POLR2H: variants seen among roughly 807,000 people sequenced by gnomAD.
POLR2H encodes the protein RNA polymerase II, I and III subunit H.
In POLR2H, 3 loss-of-function variants were observed where a neutral mutation model predicts 18.1. The observed-to-expected ratio is 0.17, with a 90% CI of 0.08 to 0.43. The LOEUF is 0.43. Among genes scored for constraint, POLR2H ranks in the 20% least tolerant of loss-of-function variants. The pLI is 0.99. For missense variants in POLR2H, 103 were observed against 184.6 expected, an observed-to-expected ratio of 0.56 and a Z score of 2.56; for synonymous variants, 76 against 69.0, an observed-to-expected ratio of 1.10 and a Z score of -0.50.
In POLR2H at chr3:184,366,777, T is replaced by G; in HGVS notation, c.312T>G (p.Thr104=). 4 of 1,599,750 alleles carry G rather than the reference T, an allele frequency of 2.5e-6. No individual in the cohort carries two copies. The highest frequency in any genetic ancestry group is 3.4e-6 in the Non-Finnish European group (4 of 1,166,822). Residue 104 remains threonine (T), a synonymous_variant, in exon 5 of 6, where the codon ACT becomes ACG. Coordinates refer to ENST00000456318, the MANE Select transcript of POLR2H (RefSeq NM_006232.5). ...TGTACAGGATTGAGGGAGATGAAAC[T>G]TCTACTGAAGCAGCAACACGCCTGT... ...GKVYRIEGDE[T]STEAATRLSA... is the part of the protein sequence containing the mutation.
At chr3:184,367,520 T>G (rs1713528008) in intron 5 of POLR2H, among the ~76,000 whole-genome samples, 2 of 151,380 alleles carry the variant, frequency 1.3e-5, no homozygotes, top group African/African-American at 4.9e-5. Context: ...GGAGTCTTGC[T>G]GTGTTGCCCA....
intron 5 of POLR2H, among the ~76,000 whole-genome samples, chr3:184,367,704 A>G (rs1467705870): frequency 6.6e-6 from 1 of 151,714 alleles, no homozygotes; most frequent in Admixed American, 6.6e-5. Context: ...GTTAGCCAGG[A>G]TGGTCTTGAT....
At position 184,366,809 on chromosome 3, in the gene POLR2H, C is replaced by T. The variant is rs189732796; in HGVS notation, c.335+9C>T. The T allele has an allele frequency of 2.2e-4, 328 of 1,487,044 alleles. No individual in the cohort carries two copies. Among genetic ancestry groups the T allele is most frequent in the Non-Finnish European group, 2.6e-4 (272 of 1,064,070 alleles). 92.1% of individuals were successfully genotyped at this position (1,487,044 alleles called of 1,614,324 possible). A position where few individuals can be genotyped will look rare whatever the true frequency, so the allele number is the denominator to read the frequency against. On this transcript the variant is annotated intron_variant, in intron 5 of 5. Coordinates refer to ENST00000456318, the MANE Select transcript of POLR2H (RefSeq NM_006232.5). Reference sequence around the variant, plus strand: ...GAAGCAGCAACACGCCTGTAAGTTACGTAATCTTGTGAGGATTCTTTTCCT... The same window carrying T: ...GAAGCAGCAACACGCCTGTAAGTTATGTAATCTTGTGAGGATTCTTTTCCT...
chr3:184,365,029 A>G lies in POLR2H; in HGVS notation c.137A>G (p.Gln46Arg), dbSNP rs1285348692. The G allele has an allele frequency of 1.2e-6, 2 of 1,608,812 alleles. No homozygotes were observed. The highest frequency in any genetic ancestry group is 1.7e-6 in the Non-Finnish European group (2 of 1,175,126). ...KMDLILDVNI[Q>R]IYPVDLGDKF... The stretch of plus-strand genomic sequence containing the variant: ...GATCTAATCTTAGATGTAAACATTC[A>G]AATTTACCCTGTAGACTTGGGTAAG... The change falls in exon 3 of 6, where the codon CAA (glutamine) becomes CGA (arginine). Residue 46 changes from glutamine to arginine, a missense_variant. By Grantham distance (43) the Gln-to-Arg change is conservative. Transcript: ENST00000456318.
intron 4 of POLR2H, chr3:184,366,495 G>A (rs1461904522): frequency 8.9e-6 from 3 of 337,956 alleles, no homozygotes; most frequent in African/African-American, 6.5e-5. Flanking sequence ...CCACTACCAC[G>A]CCCGGCTAAT....
chr3:184,367,881 G>A (rs187316270), intron 5 of POLR2H, among the ~76,000 whole-genome samples: 19 of 152,282 alleles, frequency 1.2e-4, no homozygotes, highest in African/African-American at 4.3e-4. Context: ...CCTGATTTGG[G>A]GCATCTAGGT....
At chr3:184,367,848 G>A (rs922547867) in intron 5 of POLR2H, among the ~76,000 whole-genome samples, 1 of 152,186 alleles carries the variant, frequency 6.6e-6, no homozygotes. Flanking sequence ...AAGTGGATAT[G>A]TCTTGATTCA....
chr3:184,361,713 C>A lies in POLR2H; in HGVS notation c.-1054C>A, dbSNP rs1025900900. 1.5e-5 allele frequency: 3 copies of A among 206,144 alleles called. No homozygotes were observed. The highest frequency in any genetic ancestry group is 2.9e-5 in the Non-Finnish European group (3 of 105,060). 12.8% of individuals were successfully genotyped at this position (206,144 alleles called of 1,614,324 possible). On this transcript the variant is annotated 5_prime_UTR_variant, in exon 1 of 6. Coordinates refer to ENST00000456318, the MANE Select transcript of POLR2H (RefSeq NM_006232.5). The surrounding 1 kb of genome is among the most constrained non-coding windows in gnomAD (Gnocchi z 6.6). The stretch of plus-strand genomic sequence containing the variant: ...GCGCTGCTCCGCCCGCCGGCCCATC[C>A]GGAGGGGACGGCCCAGCCAGGCTGG...
At chr3:184,364,009 C>G (rs1712794369) in intron 2 of POLR2H, among the ~76,000 whole-genome samples, 1 of 152,174 alleles carries the variant, frequency 6.6e-6, no homozygotes, top group Non-Finnish European at 1.5e-5. Context: ...CAAGATCGCG[C>G]CACTGCACGC....
chr3:184,363,605 A>G, intron 2 of POLR2H, 40 bp downstream of exon 2: 3 of 1,537,546 alleles, frequency 2.0e-6, no homozygotes, highest in Non-Finnish European at 2.7e-6. Flanking sequence ...GGAAGAGGCT[A>G]ACCTCGCGGA....
chr3:184,364,849 A>G, intron 2 of POLR2H, 117 bp from the exon 3 acceptor site: 1 of 701,916 alleles, frequency 1.4e-6, no homozygotes, highest in Non-Finnish European at 2.5e-6. Context: ...CTATGAGAGC[A>G]GATGAGAGAC....
chr3:184,363,562 C>A lies in POLR2H; in HGVS notation c.70C>A (p.Arg24=), dbSNP rs1476315260. 1 of 1,613,352 alleles carries A rather than the reference C, an allele frequency of 6.2e-7. No homozygotes were observed. The highest frequency in any genetic ancestry group is 8.5e-7 in the Non-Finnish European group (1 of 1,179,336). The change falls in exon 2 of 6, where the codon CGA becomes AGA. Residue 24 remains arginine, a synonymous_variant. Coordinates refer to ENST00000456318, the MANE Select transcript of POLR2H (RefSeq NM_006232.5). The stretch of plus-strand genomic sequence containing the variant: ...TGACCCGGAGGGCAAGAAGTTTGAC[C>A]GAGGTAAGTAAGGTATGTAGGGGCG... ...DIDPEGKKFD[R]VSRLHCESES... is the part of the protein sequence containing the mutation.
At position 184,365,044 on chromosome 3, in the gene POLR2H, A is replaced by G. The variant is rs1712994688; in HGVS notation, c.152A>G (p.Asp51Gly). Residue 51 changes from aspartate to glycine, a missense_variant, in exon 3 of 6, where the codon GAC becomes GGC. By Grantham distance (94) the Asp-to-Gly change is moderately conservative (BLOSUM62 -1). Transcript: ENST00000456318. ...GTAAACATTCAAATTTACCCTGTAG[A>G]CTTGGGTAAGTATTGAATACAGACA... ...LDVNIQIYPVDLGDKFRLVIA... is the reference protein window; with the variant it reads ...LDVNIQIYPVGLGDKFRLVIA... 1 of 1,593,346 alleles carries G rather than the reference A, an allele frequency of 6.3e-7. No individual in the cohort carries two copies. The highest frequency in any genetic ancestry group is 1.3e-5 in the African/African-American group (1 of 74,508).
intron 5 of POLR2H, 40 bp from the exon 6 acceptor site, chr3:184,368,137 G>C: frequency 6.2e-7 from 1 of 1,613,698 alleles, no homozygotes; most frequent in African/African-American, 1.3e-5. Flanking sequence ...CTGCTGAGTG[G>C]CAGTGCTCCA....
Position 184,364,753 on chromosome 3 carries a change from G to A in POLR2H, c.74-213G>A. 1.2e-5 allele frequency: 7 copies of A among 572,994 alleles called. No homozygotes were observed. The South Asian group carries it at 1.4e-4, about 11-fold the overall frequency. The allele number at this position is 572,994 out of a possible 1,614,324, so 35.5% of individuals were successfully genotyped here. On this transcript the variant is annotated intron_variant, in intron 2 of 5. Transcript: ENST00000456318. ...AGGCTTTGCTGCTGGAGTATCTTTG[G>A]TTGTTTTCTGGGGATTACGTTCGCT... is the stretch of plus-strand genomic sequence containing the variant.
intron 2 of POLR2H, 56 bp from the exon 3 acceptor site, chr3:184,364,910 C>T (rs755119713): frequency 7.2e-5 from 85 of 1,176,620 alleles, no homozygotes; most frequent in Middle Eastern, 3.8e-4. Flanking sequence ...TACAATCCCA[C>T]ACTGTAGGAT....
chr3:184,363,761 G>C (rs990623414), intron 2 of POLR2H, among the ~76,000 whole-genome samples, 196 bp downstream of exon 2: 91 of 152,180 alleles, frequency 6.0e-4, no homozygotes, highest in African/African-American at 2.1e-3. Context: ...TGCCGTGCCC[G>C]GTGCCTGGGT....
Position 184,368,414 on chromosome 3 carries a change from G to A in POLR2H, c.*120G>A, listed in dbSNP as rs572087814. The A allele has an allele frequency of 1.4e-5, 11 of 776,058 alleles. No individual in the cohort carries two copies. The highest frequency in any genetic ancestry group is 7.0e-5 in the African/African-American group (4 of 56,838). 48.1% of individuals were successfully genotyped at this position (776,058 alleles called of 1,614,324 possible). On this transcript the variant is annotated 3_prime_UTR_variant, in exon 6 of 6. Coordinates refer to ENST00000456318, the MANE Select transcript of POLR2H (RefSeq NM_006232.5). Reference sequence around the variant, plus strand: ...GGGCTGGCTCACTGTCCACCGTGGCGGCATCTTTAACTGGCCTCCACTCAA... The same window carrying A: ...GGGCTGGCTCACTGTCCACCGTGGCAGCATCTTTAACTGGCCTCCACTCAA...
Position 184,365,055 on chromosome 3 carries a change from T to C in POLR2H, c.157+6T>C. 6.3e-7 allele frequency: 1 copy of C among 1,582,996 alleles called. No individual in the cohort carries two copies. On this transcript the variant is annotated splice_donor_region_variant and intron_variant, in intron 3 of 5. Transcript: ENST00000456318. ...AATTTACCCTGTAGACTTGGGTAAGTATTGAATACAGACAATAATAAGAGA... is the reference window on the plus strand; with the variant it reads ...AATTTACCCTGTAGACTTGGGTAAGCATTGAATACAGACAATAATAAGAGA...
Sources: allele counts gnomAD v4.1 joint callset (sites outside exome capture counted in the v4.1 genomes callset), GRCh38; gene constraint gnomAD v4.1.1; non-coding constraint Gnocchi (gnomAD v3.1); transcripts MANE v1.5; gene names NCBI Gene and HGNC (gene_info 2026-07-23, HGNC 2026-07-21).